CCNH: variants seen among roughly 807,000 people sequenced by gnomAD.
CCNH encodes cyclin-H.
In CCNH, 31 loss-of-function variants were observed where a neutral mutation model predicts 41.9. That is an observed-to-expected ratio of 0.74 (90% CI 0.56 to 1.00). The LOEUF (loss-of-function observed/expected upper bound fraction) is 1.00, where lower values mean the gene tolerates loss of function less well. CCNH is among the 50% of genes least tolerant of loss of function. The probability of loss-of-function intolerance (pLI) is 0.00; values close to 1 mark genes in which losing one functional copy is unlikely to be tolerated. For missense variants in CCNH, 362 were observed against 388.4 expected (o/e 0.93, Z 0.57); for synonymous variants, 138 against 136.1 (o/e 1.01, Z -0.10).
At chr5:87,412,415 T>C (rs1262871904) in intron 1 of CCNH, 10 of 1,246,232 alleles carry the variant, frequency 8.0e-6, no homozygotes, top group Admixed American at 3.6e-5. Context: ...TGCCACGCAC[T>C]ACCTTAGCAC....
At position 87,368,305 on chromosome 5, in the gene CCNH, A is replaced by AT. The variant is rs1052596690; in HGVS notation, c.*90+24464dup. 3.3e-5 allele frequency among the ~76,000 whole-genome samples: 5 copies of AT among 151,982 alleles called. No homozygotes were observed. In the South Asian group the frequency reaches 6.2e-4, roughly 19 times the overall value. ...ACATTTTTTTCAATTTAGAATTTCC[A>AT]TTTTTTTAAAGATACAGTTTCTGGC... On this transcript the variant is annotated intron_variant and NMD_transcript_variant, in intron 9 of 9. Coordinates refer to the CCNH transcript ENST00000645953.
downstream of CCNH, chr5:87,374,381 T>G (rs1761165494): frequency 6.8e-7 from 1 of 1,480,628 alleles, no homozygotes; most frequent in Admixed American, 1.8e-5. Context: ...TTTCTTTCTG[T>G]TTTTTTGGTC....
At position 87,369,879 on chromosome 5, in the gene CCNH, A is replaced by G; in HGVS notation, c.*90+22891T>C. On this transcript the variant is annotated intron_variant and NMD_transcript_variant, in intron 9 of 9. Transcript: ENST00000645953. ...AACATTACATCTTTTACTTTGCAGGAGAAACTCCAGAACAAGCAGAGGTAA... is the reference window on the plus strand; with the variant it reads ...AACATTACATCTTTTACTTTGCAGGGGAAACTCCAGAACAAGCAGAGGTAA... 5.0e-6 allele frequency: 8 copies of G among 1,609,580 alleles called. No individual in the cohort carries two copies. The highest frequency in any genetic ancestry group is 4.4e-5 in the South Asian group (4 of 90,942).
intron 5 of CCNH, among the ~76,000 whole-genome samples, 179 bp from the exon 6 acceptor site, chr5:87,401,951 T>A (rs1371369536): frequency 6.6e-6 from 1 of 152,240 alleles, no homozygotes; most frequent in Non-Finnish European, 1.5e-5. Context: ...TTAAAAGATG[T>A]TTATTGTTCC....
At chr5:87,317,400 C>T (rs1756424199), downstream of CCNH, among the ~76,000 whole-genome samples, 2 of 152,114 alleles carry the variant, frequency 1.3e-5, no homozygotes, top group Non-Finnish European at 2.9e-5. Context: ...CAAGTTCACT[C>T]ATCACTTTGC....
At chr5:87,360,130 T>G (rs75661393) in intron 9 of CCNH, among the ~76,000 whole-genome samples, 2,627 of 151,770 alleles carry the variant, frequency 0.017, 32 homozygotes, top group Non-Finnish European at 0.027. Flanking sequence ...TGCAGTTTTT[T>G]TTTTTTTTTT....
intron 9 of CCNH, chr5:87,363,534 G>A (rs767275500): frequency 1.0e-5 from 16 of 1,596,738 alleles, no homozygotes; most frequent in South Asian, 9.9e-5. Context: ...TTTTTCTTTC[G>A]GAATTGTCTT....
exon 1 of CCNH, chr5:87,376,622 T>G: frequency 6.4e-7 from 1 of 1,558,544 alleles, no homozygotes; most frequent in Non-Finnish European, 8.8e-7. Flanking sequence ...CATTTAACAT[T>G]TAATAAAAGA....
chr5:87,338,535 A>ATTTTTTTT (rs1561292521), intron 9 of CCNH, among the ~76,000 whole-genome samples: 25 of 95,892 alleles, frequency 2.6e-4, no homozygotes, highest in South Asian at 1.9e-3. Flanking sequence ...ATATATATAA[A>ATTTTTTTT]ATTTTTTTTT....
chr5:87,407,950 A>G (rs777915379), intron 4 of CCNH, 26 bp downstream of exon 4: 2 of 1,476,302 alleles, frequency 1.4e-6, no homozygotes, highest in Non-Finnish European at 1.9e-6. Context: ...AGAATGTAGT[A>G]TTAGTTTATT....
chr5:87,377,273 G>A (rs1761391628), upstream of CCNH: 2 of 541,742 alleles, frequency 3.7e-6, no homozygotes, highest in Admixed American at 2.9e-5. Flanking sequence ...GAAGCCACAA[G>A]AAGGTGGTAT....
At chr5:87,331,975 TTGTATTGTTTCATTTTTATAGA>T (rs1464025106) in intron 9 of CCNH, among the ~76,000 whole-genome samples, 1 of 152,142 alleles carries the variant, frequency 6.6e-6, no homozygotes, top group Non-Finnish European at 1.5e-5. Context: ...TTTACCCATA[TTGTATTGTTTCATTTTTATAGA>T]AGAAATTGAA....
chr5:87,360,212 C>T (rs867755128), intron 9 of CCNH, among the ~76,000 whole-genome samples: 1 of 151,360 alleles, frequency 6.6e-6, no homozygotes, highest in African/African-American at 2.4e-5. Context: ...CTGCAACCTC[C>T]GCCTCCTGGG....
At chr5:87,412,165 TA>T (rs1315226078) in intron 1 of CCNH, among the ~76,000 whole-genome samples, 2 of 152,170 alleles carry the variant, frequency 1.3e-5, no homozygotes, top group Non-Finnish European at 2.9e-5. Flanking sequence ...GTGGAAATGT[TA>T]AACGCCTCAC....
At chr5:87,377,499 TTTTTA>T (rs1471547700), upstream of CCNH, among the ~76,000 whole-genome samples, 3 of 151,964 alleles carry the variant, frequency 2.0e-5, no homozygotes, top group Non-Finnish European at 2.9e-5. Context: ...CCCAGCTAAT[TTTTTA>T]TTTTATTTTT....
intron 9 of CCNH, among the ~76,000 whole-genome samples, chr5:87,320,307 G>A (rs901899617): frequency 6.6e-6 from 1 of 152,160 alleles, no homozygotes; most frequent in African/African-American, 2.4e-5. Flanking sequence ...AGTTGCTTCT[G>A]CATTTTGAGG....
At chr5:87,349,427 C>A in intron 9 of CCNH, 1 of 1,554,544 alleles carries the variant, frequency 6.4e-7, no homozygotes, top group Non-Finnish European at 8.8e-7. Context: ...CTTGATAATA[C>A]AGTATTCAGA....
chr5:87,332,637 C>T (rs1459796438), intron 9 of CCNH: 2 of 1,609,248 alleles, frequency 1.2e-6, no homozygotes, highest in East Asian at 2.2e-5. Flanking sequence ...AGTTGCACCA[C>T]CAGAGGCAAG....
At chr5:87,411,369 C>A in intron 1 of CCNH, 23 bp from the exon 2 acceptor site, 1 of 1,583,884 alleles carries the variant, frequency 6.3e-7, no homozygotes, top group Non-Finnish European at 8.6e-7. Context: ...AATTACAACA[C>A]AAGTTCAATG....
Sources: gnomAD v4.1 joint callset for allele counts (sites outside exome capture counted in the v4.1 genomes callset) on GRCh38, gnomAD v4.1.1 for gene constraint, MANE v1.5 for transcripts, NCBI Gene and HGNC (gene_info 2026-07-23, HGNC 2026-07-21) for gene names.